The following MAP3K21 variants were observed in gnomAD, a reference collection of about 807,000 sequenced individuals.
MAP3K21 encodes the protein mitogen-activated protein kinase kinase kinase MLK4.
A neutral mutation model predicts 86.1 loss-of-function variants in MAP3K21; 63 were observed. The ratio of observed to expected loss-of-function variants is 0.73; its 90% CI spans 0.60 to 0.90. MAP3K21 has a LOEUF of 0.90. Ranked by LOEUF, MAP3K21 falls within the 40% of genes least tolerant of loss-of-function variation. The pLI is 0.00. For missense variants in MAP3K21, 1,220 were observed against 1,367.7 expected (o/e 0.89, Z 1.70); for synonymous variants, 558 against 564.8 (o/e 0.99, Z 0.17).
At chr1:233,366,474 T>C (rs1054743032) in intron 5 of MAP3K21, among the ~76,000 whole-genome samples, 2 of 152,220 alleles carry the variant, frequency 1.3e-5, no homozygotes, top group African/African-American at 4.8e-5. Context: ...ATATGTATAA[T>C]TTTTATGGGT....
At chr1:233,367,107 A>G (rs925443370) in intron 5 of MAP3K21, among the ~76,000 whole-genome samples, 1 of 152,194 alleles carries the variant, frequency 6.6e-6, no homozygotes, top group Non-Finnish European at 1.5e-5. Flanking sequence ...CGTTAATACA[A>G]GACAAAAGCT....
At chr1:233,356,935 A>C (rs1321609737) in intron 4 of MAP3K21, among the ~76,000 whole-genome samples, 1 of 152,224 alleles carries the variant, frequency 6.6e-6, no homozygotes, top group Admixed American at 6.5e-5. Context: ...AGCCCTTCTA[A>C]TATTAAACAT....
chr1:233,379,738 T>A lies in MAP3K21; in HGVS notation c.2704+28T>A, dbSNP rs1281587209. The A allele has an allele frequency of 5.3e-6, 8 of 1,515,946 alleles. No homozygotes were observed. In the Admixed American group the frequency reaches 1.3e-4, roughly 26 times the overall value. 93.9% of individuals were successfully genotyped at this position (1,515,946 alleles called of 1,614,324 possible). A position where few individuals can be genotyped will look rare whatever the true frequency, so the allele number is the denominator to read the frequency against. ...AGGTTGCATTAATTAGGTAAAAGCATAAAACACTGCTGTAGAGATTAGTAT... is the reference window on the plus strand; with the variant it reads ...AGGTTGCATTAATTAGGTAAAAGCAAAAAACACTGCTGTAGAGATTAGTAT... On this transcript the variant is annotated intron_variant, in intron 9 of 9. Transcript: ENST00000366624.
intron 1 of MAP3K21, among the ~76,000 whole-genome samples, chr1:233,342,050 T>C (rs1272904552): frequency 1.3e-4 from 20 of 152,230 alleles, no homozygotes; most frequent in Admixed American, 1.3e-3. Flanking sequence ...GGTTTCAGTA[T>C]GTAGGGTTTA....
intron 1 of MAP3K21, among the ~76,000 whole-genome samples, chr1:233,334,055 T>C (rs546701249): frequency 1.3e-4 from 20 of 152,080 alleles, no homozygotes; most frequent in African/African-American, 4.3e-4. Context: ...TTAGTAGAGA[T>C]GGGGTTTCAC....
intron 2 of MAP3K21, among the ~76,000 whole-genome samples, chr1:233,353,283 A>G (rs1663285423): frequency 6.6e-6 from 1 of 152,210 alleles, no homozygotes; most frequent in Non-Finnish European, 1.5e-5. Flanking sequence ...TTAGTAACAC[A>G]TCTAAATATA....
intron 9 of MAP3K21, among the ~76,000 whole-genome samples, chr1:233,380,502 G>A (rs1663893785): frequency 6.6e-6 from 1 of 152,146 alleles, no homozygotes; most frequent in African/African-American, 2.4e-5. Flanking sequence ...TTCTGCTTAG[G>A]AATTTTGTGG....
chr1:233,379,436 G>A lies in MAP3K21; in HGVS notation c.2430G>A (p.Lys810=). 2 of 1,614,170 alleles carry A rather than the reference G, an allele frequency of 1.2e-6. No homozygotes were observed. The highest frequency in any genetic ancestry group is 2.2e-5 in the East Asian group (1 of 44,858). ...TCTCCACACCTTCTTTCTCCACAAA[G>A]TGCCTGCTGCAGATGGACAGTGAAG... ...GILSTPSFST[K]CLLQMDSEDP... Residue 810 remains lysine, a synonymous_variant, in exon 9 of 10, where the codon AAG becomes AAA. Transcript: ENST00000366624.
intron 1 of MAP3K21, among the ~76,000 whole-genome samples, chr1:233,340,449 A>T (rs986173867): frequency 2.6e-5 from 4 of 152,190 alleles, no homozygotes; most frequent in African/African-American, 9.7e-5. Flanking sequence ...TTGTTAGAAT[A>T]TAGGGTTCAT....
At chr1:233,356,666 T>A (rs1205003299) in intron 4 of MAP3K21, among the ~76,000 whole-genome samples, 8 of 152,230 alleles carry the variant, frequency 5.3e-5, no homozygotes, top group Non-Finnish European at 7.3e-5. Flanking sequence ...TCATTTGTAA[T>A]AGTGCAAAGC....
chr1:233,356,178 C>A (rs535984196), intron 4 of MAP3K21, among the ~76,000 whole-genome samples: 2 of 152,182 alleles, frequency 1.3e-5, no homozygotes, highest in Non-Finnish European at 2.9e-5. Flanking sequence ...TCTACTCCAT[C>A]GGGTAAACTG....
Position 233,353,845 on chromosome 1 carries a change from T to A in MAP3K21, c.1025T>A (p.Val342Asp), listed in dbSNP as rs1663296128. 1 of 1,609,176 alleles carries A rather than the reference T, an allele frequency of 6.2e-7. No homozygotes were observed. Among genetic ancestry groups the A allele is most frequent in the Non-Finnish European group, 8.5e-7 (1 of 1,178,476 alleles). ...VLLWELLTGE[V>D]PYRGIDGLAV... ...CTGTGGGAACTGCTCACCGGAGAAG[T>A]CCCCTATCGGGGCATTGATGGCCTC... Residue 342 changes from valine to aspartate, a missense_variant, in exon 3 of 10, where the codon GTC becomes GAC. Physicochemically the swap from Val to Asp is radical, Grantham distance 152. This residue lies in a region of MAP3K21 where 89 missense variants were observed against 144.8 expected (regional missense o/e 0.61). Transcript: ENST00000366624.
At chr1:233,361,838 G>A (rs1390838457) in intron 4 of MAP3K21, among the ~76,000 whole-genome samples, 5 of 152,126 alleles carry the variant, frequency 3.3e-5, no homozygotes, top group African/African-American at 9.7e-5. Flanking sequence ...TGAATAATCC[G>A]CTGAAAAGGT....
intron 6 of MAP3K21, among the ~76,000 whole-genome samples, chr1:233,374,820 T>G (rs1331484950): frequency 6.6e-6 from 1 of 151,748 alleles, no homozygotes; most frequent in Non-Finnish European, 1.5e-5. Flanking sequence ...ATTTTTATTA[T>G]GGTCACAGAG....
rs1024602082 is a variant in MAP3K21, at chr1:233,385,135, C to T, written c.*2424C>T. 4 of 152,048 alleles carry T rather than the reference C, an allele frequency of 2.6e-5. No individual in the cohort carries two copies. Among genetic ancestry groups the T allele is most frequent in the African/African-American group, 4.8e-5 (2 of 41,386 alleles). The allele number at this position is 152,048 out of a possible 1,614,324, so 9.4% of individuals were successfully genotyped here. A position where few individuals can be genotyped will look rare whatever the true frequency, so the allele number is the denominator to read the frequency against. On this transcript the variant is annotated 3_prime_UTR_variant, in exon 10 of 10. Transcript: ENST00000366624. ...TTTTTAATAAACTTTTATAGCTGGT[C>T]TATTTGCTCAGTAGCTTTGATCCTC... is the stretch of plus-strand genomic sequence containing the variant.
At chr1:233,376,132 A>C in intron 7 of MAP3K21, 66 bp downstream of exon 7, 2 of 1,356,348 alleles carry the variant, frequency 1.5e-6, no homozygotes, top group Non-Finnish European at 2.0e-6. Context: ...TGTTAATATC[A>C]CATCAGCCAG....
chr1:233,380,800 T>A (rs1663898970), intron 9 of MAP3K21, among the ~76,000 whole-genome samples: 1 of 152,178 alleles, frequency 6.6e-6, no homozygotes, highest in Non-Finnish European at 1.5e-5. Context: ...TTAATGTTAT[T>A]CAAGGTCACA....
Position 233,328,151 on chromosome 1 carries a change from G to A in MAP3K21, c.123G>A (p.Gly41=). 4 of 1,450,918 alleles carry A rather than the reference G, an allele frequency of 2.8e-6. No homozygotes were observed. Among genetic ancestry groups the A allele is most frequent in the East Asian group, 3.0e-5 (1 of 32,960 alleles). The allele number at this position is 1,450,918 out of a possible 1,614,324, so 89.9% of individuals were successfully genotyped here. Residue 41 remains glycine, a synonymous_variant, in exon 1 of 10, where the codon GGG becomes GGA. Transcript: ENST00000366624. The surrounding 1 kb of genome is among the most constrained non-coding windows in gnomAD (Gnocchi z 8.7). ...SSGGSASAGA[G]LWAALYDYEA... is the part of the protein sequence containing the mutation. The stretch of plus-strand genomic sequence containing the variant: ...GCGGCTCGGCCTCGGCGGGCGCGGG[G>A]CTGTGGGCCGCGCTCTATGACTACG...
At chr1:233,342,926 A>G (rs1663065067) in intron 1 of MAP3K21, among the ~76,000 whole-genome samples, 1 of 152,158 alleles carries the variant, frequency 6.6e-6, no homozygotes, top group Non-Finnish European at 1.5e-5. Context: ...GATTCTTCAT[A>G]TCTATAATGG....
Sources: gnomAD v4.1 joint callset for allele counts (sites outside exome capture counted in the v4.1 genomes callset) on GRCh38, gnomAD v4.1.1 for gene constraint, gnomAD v4.1.1 regional missense constraint, Gnocchi (gnomAD v3.1) non-coding constraint, MANE v1.5 for transcripts, NCBI Gene and HGNC (gene_info 2026-07-23, HGNC 2026-07-21) for gene names.